The following DCAF8 variants were observed in gnomAD, a reference collection of about 807,000 sequenced individuals.
DCAF8 encodes the protein DDB1- and CUL4-associated factor 8.
Under a neutral mutation model 68.0 loss-of-function variants are expected in DCAF8, and 20 were observed. The observed-to-expected ratio is 0.29, with a 90% CI of 0.21 to 0.43. DCAF8 has a LOEUF of 0.43. Among genes scored for constraint, DCAF8 ranks in the 20% least tolerant of loss-of-function variants. The probability of loss-of-function intolerance (pLI) is 1.00; values close to 1 mark genes in which losing one functional copy is unlikely to be tolerated. For synonymous variants in DCAF8, 230 were observed against 276.9 expected (o/e 0.83, Z 1.68); for missense variants, 460 against 771.0 (o/e 0.60, Z 4.78).
rs923505694 is a variant in DCAF8 at position 160,216,621 on chromosome 1, A to G, written c.*971T>C. The G allele has an allele frequency of 1.3e-5, 2 of 152,650 alleles. No homozygotes were observed. The highest frequency in any genetic ancestry group is 4.8e-5 in the African/African-American group (2 of 41,450). The allele number at this position is 152,650 out of a possible 1,614,324, so 9.5% of individuals were successfully genotyped here. On this transcript the variant is annotated 3_prime_UTR_variant, in exon 14 of 14. Transcript: ENST00000368074. ...TCTCTAGTGACCATACACAGAGGTAAACTGACCCCAGGTGTCACTTCCACA... is the reference window on the plus strand; with the variant it reads ...TCTCTAGTGACCATACACAGAGGTAGACTGACCCCAGGTGTCACTTCCACA...
chr1:160,230,023 A>G (rs1655618838), intron 7 of DCAF8, among the ~76,000 whole-genome samples: 1 of 147,696 alleles, frequency 6.8e-6, no homozygotes, highest in Admixed American at 6.8e-5. Flanking sequence ...AACTCTGTCT[A>G]AAAAAAAAAA....
intron 2 of DCAF8, among the ~76,000 whole-genome samples, chr1:160,260,712 A>C (rs897478909): frequency 6.8e-6 from 1 of 147,832 alleles, no homozygotes; most frequent in Non-Finnish European, 1.5e-5. Context: ...AAGAGCAGCC[A>C]CTATTTTTTT....
intron 6 of DCAF8, among the ~76,000 whole-genome samples, chr1:160,235,413 C>G (rs544493765): frequency 1.6e-4 from 25 of 152,036 alleles, no homozygotes; most frequent in Middle Eastern, 3.4e-3. Context: ...GCCACTGCAC[C>G]TGACCAAGAT....
Position 160,225,662 on chromosome 1 carries a change from T to C in DCAF8, c.1072A>G (p.Ile358Val). 2 of 1,612,332 alleles carry C rather than the reference T, an allele frequency of 1.2e-6. No homozygotes were observed. Among genetic ancestry groups the C allele is most frequent in the Non-Finnish European group, 1.7e-6 (2 of 1,178,646 alleles). The change falls in exon 8 of 14, where the codon ATT (isoleucine) becomes GTT (valine). Residue 358 changes from isoleucine to valine, a missense_variant and splice_region_variant. This residue lies in a region of DCAF8 where 170 missense variants were observed against 318.2 expected (regional missense o/e 0.53). Coordinates refer to ENST00000368074, the MANE Select transcript of DCAF8 (RefSeq NM_015726.4). ...AVGGRDQFVR[I>V]YDQRKIDENE... ...TCATCAATTTTCCTCTGGTCATAAA[T>C]CCTACAGTTGGAAAAGCAATGAAAA...
At chr1:160,249,545 C>T (rs1009727869) in intron 2 of DCAF8, among the ~76,000 whole-genome samples, 1 of 152,174 alleles carries the variant, frequency 6.6e-6, no homozygotes, top group African/African-American at 2.4e-5. Flanking sequence ...GTTATCCCAG[C>T]AATTTGGGAG....
chr1:160,246,767 A>T (rs1656357850), intron 2 of DCAF8, among the ~76,000 whole-genome samples: 1 of 152,230 alleles, frequency 6.6e-6, no homozygotes, highest in South Asian at 2.1e-4. Flanking sequence ...GTTGGAGACC[A>T]GCCTGGGCAA....
chr1:160,242,193 C>G (rs1017397919), intron 3 of DCAF8, among the ~76,000 whole-genome samples: 1 of 149,180 alleles, frequency 6.7e-6, no homozygotes, highest in Admixed American at 6.7e-5. Context: ...TGCAGTGAGC[C>G]GAGATTGTGC....
rs1210307705 is a variant in DCAF8 at position 160,239,080 on chromosome 1, A to G, written c.724-333T>C. 13 of 780,690 alleles carry G rather than the reference A, an allele frequency of 1.7e-5. No homozygotes were observed. In the African/African-American group the frequency reaches 1.9e-4, roughly 11 times the overall value. 48.4% of individuals were successfully genotyped at this position (780,690 alleles called of 1,614,324 possible). ...AAAATCTACTTTGATTAAGAAAGTA[A>G]ATATAAATTTGCTACAAAGAAAAAG... On this transcript the variant is annotated intron_variant, in intron 4 of 13. Coordinates refer to ENST00000368074, the MANE Select transcript of DCAF8 (RefSeq NM_015726.4).
In DCAF8 at chr1:160,238,639, G is replaced by A; in HGVS notation, c.832C>T (p.Arg278Cys). 7 of 1,612,832 alleles carry A rather than the reference G, an allele frequency of 4.3e-6. No homozygotes were observed. The highest frequency in any genetic ancestry group is 2.2e-5 in the East Asian group (1 of 44,736). ...GACGCTCCCTTGTGCTGGGCCACAC[G>A]TTTTGTATTCTTGCAACACTGTGTG... ...SATQCCKNTKRVAQHKGASHK... is the reference protein window; with the variant it reads ...SATQCCKNTKCVAQHKGASHK... Residue 278 changes from arginine (R) to cysteine (C), a missense_variant, in exon 5 of 14, where the codon CGT becomes TGT. By Grantham distance (180) the Arg-to-Cys change is radical. This residue lies in a region of DCAF8 where 170 missense variants were observed against 318.2 expected (regional missense o/e 0.53). Coordinates refer to ENST00000368074, the MANE Select transcript of DCAF8 (RefSeq NM_015726.4).
chr1:160,244,138 TA>T, intron 2 of DCAF8, 104 bp from the exon 3 acceptor site: 1 of 905,818 alleles, frequency 1.1e-6, no homozygotes, highest in Non-Finnish European at 1.8e-6. Context: ...ATCATTTTTA[TA>T]AAAATGATTT....
chr1:160,222,288 G>C (rs1399724540), intron 11 of DCAF8, among the ~76,000 whole-genome samples: 1 of 152,172 alleles, frequency 6.6e-6, no homozygotes, highest in Non-Finnish European at 1.5e-5. Context: ...AGTTTAAAGG[G>C]AAGAGACATG....
At chr1:160,241,404 T>C (rs1440983648) in intron 3 of DCAF8, among the ~76,000 whole-genome samples, 1 of 152,208 alleles carries the variant, frequency 6.6e-6, no homozygotes, top group African/African-American at 2.4e-5. Flanking sequence ...GAAGCATATA[T>C]AAAATTGATA....
At chr1:160,226,326 A>G (rs1202025585) in intron 7 of DCAF8, among the ~76,000 whole-genome samples, 1 of 152,070 alleles carries the variant, frequency 6.6e-6, no homozygotes, top group African/African-American at 2.4e-5. Context: ...CATACCCCAC[A>G]ATAATTATTA....
At chr1:160,260,314 TAA>T (rs1316658143) in intron 2 of DCAF8, among the ~76,000 whole-genome samples, 1 of 152,194 alleles carries the variant, frequency 6.6e-6, no homozygotes, top group African/African-American at 2.4e-5. Flanking sequence ...AAAATTAAAT[TAA>T]AAGTCTGTCC....
intron 7 of DCAF8, among the ~76,000 whole-genome samples, chr1:160,227,709 A>G (rs1655526821): frequency 2.0e-5 from 3 of 152,246 alleles, no homozygotes; most frequent in South Asian, 4.1e-4. Context: ...CTGCCATTGT[A>G]GCATGAAAGT....
At chr1:160,247,740 A>AT (rs1158028726) in intron 2 of DCAF8, among the ~76,000 whole-genome samples, 11 of 152,226 alleles carry the variant, frequency 7.2e-5, no homozygotes, top group Non-Finnish European at 1.6e-4. Context: ...TAGATTTCAG[A>AT]TTTTTTAATT....
chr1:160,262,168 G>T (rs1657123220), intron 1 of DCAF8: 2 of 396,156 alleles, frequency 5.0e-6, no homozygotes, highest in Non-Finnish European at 8.9e-6. Flanking sequence ...TCGGCGGAAG[G>T]AAAAGACCTG....
At chr1:160,241,430 A>G (rs769655445) in intron 3 of DCAF8, among the ~76,000 whole-genome samples, 5 of 152,244 alleles carry the variant, frequency 3.3e-5, no homozygotes, top group Non-Finnish European at 7.3e-5. Context: ...CTGGGCTACT[A>G]TAGTGGTGCC....
At chr1:160,238,227 T>C (rs894647979) in intron 5 of DCAF8, among the ~76,000 whole-genome samples, 2 of 152,160 alleles carry the variant, frequency 1.3e-5, no homozygotes. Flanking sequence ...AACTGAGAGT[T>C]TGAGCAGGTA....
Sources: gnomAD v4.1 joint callset for allele counts (sites outside exome capture counted in the v4.1 genomes callset) on GRCh38, gnomAD v4.1.1 for gene constraint, gnomAD v4.1.1 regional missense constraint, MANE v1.5 for transcripts, NCBI Gene and HGNC (gene_info 2026-07-23, HGNC 2026-07-21) for gene names.